Variants in PRUNE2 observed in about 807,000 individuals in gnomAD.
PRUNE2 encodes the protein protein prune homolog 2.
Under a neutral mutation model 252.0 loss-of-function variants are expected in PRUNE2, and 164 were observed. That is an observed-to-expected ratio of 0.65 (90% CI 0.57 to 0.74). The LOEUF (loss-of-function observed/expected upper bound fraction) is 0.74, where lower values mean the gene tolerates loss of function less well. PRUNE2 is among the 30% of genes least tolerant of loss of function. The probability of loss-of-function intolerance (pLI) is 0.00; values close to 1 mark genes in which losing one functional copy is unlikely to be tolerated. For missense variants in PRUNE2, 3,495 were observed against 3,711.0 expected, an observed-to-expected ratio of 0.94 and a Z score of 1.51; for synonymous variants, 1,292 against 1,350.2, an observed-to-expected ratio of 0.96 and a Z score of 0.94.
chr9:76,772,098 G>C lies in PRUNE2; in HGVS notation c.756+51534C>G, dbSNP rs968054642. ...TCCACTCCTGGCTTTAAACCAAGGTGTCAGCTGGGAAAGCCACCCTTCCGC... is the reference window on the plus strand; with the variant it reads ...TCCACTCCTGGCTTTAAACCAAGGTCTCAGCTGGGAAAGCCACCCTTCCGC... On this transcript the variant is annotated intron_variant, in intron 6 of 18. Coordinates refer to ENST00000376718, the MANE Select transcript of PRUNE2 (RefSeq NM_015225.3). Among the ~76,000 whole-genome samples, 4 of 152,282 alleles carry C rather than the reference G, an allele frequency of 2.6e-5. No homozygotes were observed. In the South Asian group the frequency reaches 8.3e-4, roughly 32 times the overall value.
intron 10 of PRUNE2, 24 bp from the exon 11 acceptor site, chr9:76,652,707 C>T (rs757369712): frequency 3.3e-6 from 5 of 1,505,668 alleles, no homozygotes; most frequent in East Asian, 4.5e-5. Flanking sequence ...AGAACAGCAA[C>T]ATCAAGTATT....
chr9:76,900,655 C>G (rs2063115269), intron 1 of PRUNE2, among the ~76,000 whole-genome samples: 1 of 152,188 alleles, frequency 6.6e-6, no homozygotes, highest in Admixed American at 6.5e-5. Context: ...CTCCAGGACT[C>G]TCCCATAATC....
intron 4 of PRUNE2, among the ~76,000 whole-genome samples, chr9:76,829,959 G>T (rs73653218): frequency 0.14 from 21,249 of 152,024 alleles, 1,513 homozygotes; most frequent in Non-Finnish European, 0.15. Flanking sequence ...ATGAGGAAAA[G>T]AATAGAAACA....
intron 6 of PRUNE2, chr9:76,786,323 A>T (rs1433223635): frequency 6.6e-6 from 1 of 152,230 alleles, no homozygotes; most frequent in Non-Finnish European, 1.5e-5. Context: ...AGGGATTCAA[A>T]GAAATATTAG....
At chr9:76,829,949 A>C (rs899692726) in intron 4 of PRUNE2, among the ~76,000 whole-genome samples, 5 of 152,226 alleles carry the variant, frequency 3.3e-5, no homozygotes, top group African/African-American at 1.2e-4. Flanking sequence ...GAATAAACTC[A>C]TGAGGAAAAG....
chr9:76,822,702 G>A (rs181334441), intron 6 of PRUNE2, among the ~76,000 whole-genome samples: 2,744 of 152,246 alleles, frequency 0.018, 72 homozygotes, highest in African/African-American at 0.061. Context: ...AGCTACTCAG[G>A]AGGCTGAGGC....
intron 11 of PRUNE2, among the ~76,000 whole-genome samples, chr9:76,647,811 C>T (rs1165529873): frequency 6.6e-6 from 1 of 151,946 alleles, no homozygotes; most frequent in Non-Finnish European, 1.5e-5. Context: ...AAATACAAAA[C>T]ATTAGCTGCG....
chr9:76,716,114 G>C (rs1436523776), intron 6 of PRUNE2, among the ~76,000 whole-genome samples: 1 of 152,154 alleles, frequency 6.6e-6, no homozygotes, highest in African/African-American at 2.4e-5. Flanking sequence ...AGAGGGGGCA[G>C]GTTTTATTTG....
chr9:76,635,603 C>G (rs1015232261), intron 15 of PRUNE2, among the ~76,000 whole-genome samples: 1 of 151,880 alleles, frequency 6.6e-6, no homozygotes, highest in African/African-American at 2.4e-5. Context: ...AAATACTTAA[C>G]AAGAAAGGTA....
chr9:76,642,220 T>C (rs1842933858), intron 12 of PRUNE2, among the ~76,000 whole-genome samples: 1 of 152,110 alleles, frequency 6.6e-6, no homozygotes, highest in Non-Finnish European at 1.5e-5. Context: ...TGTTGGCTCA[T>C]AGGATGTGAA....
intron 6 of PRUNE2, among the ~76,000 whole-genome samples, chr9:76,735,419 CTTTT>C (rs34406993): frequency 0.037 from 4,913 of 133,076 alleles, 260 homozygotes; most frequent in African/African-American, 0.13. Context: ...TTTCTTTCTT[CTTTT>C]TTTTTTTTTT....
intron 9 of PRUNE2, among the ~76,000 whole-genome samples, chr9:76,689,446 C>T (rs933121782): frequency 6.6e-6 from 1 of 152,106 alleles, no homozygotes; most frequent in Admixed American, 6.5e-5. Flanking sequence ...GCCTCAACCT[C>T]CTGGGCTCAA....
At chr9:76,901,991 C>T (rs1353300217) in intron 1 of PRUNE2, among the ~76,000 whole-genome samples, 1 of 152,146 alleles carries the variant, frequency 6.6e-6, no homozygotes, top group Non-Finnish European at 1.5e-5. Flanking sequence ...GGCATGAGGG[C>T]TGCGGTGATC....
At chr9:76,815,655 A>G (rs1390656237) in intron 6 of PRUNE2, among the ~76,000 whole-genome samples, 1 of 152,232 alleles carries the variant, frequency 6.6e-6, no homozygotes, top group East Asian at 1.9e-4. Flanking sequence ...CAGTGTTTAT[A>G]TAATCCCTGT....
At chr9:76,785,387 G>A (rs1371422806) in intron 6 of PRUNE2, 3 of 152,212 alleles carry the variant, frequency 2.0e-5, no homozygotes, top group African/African-American at 4.8e-5. Flanking sequence ...GAGCCACAGA[G>A]GGAATGTTTA....
intron 1 of PRUNE2, among the ~76,000 whole-genome samples, chr9:76,858,724 T>C (rs1323722092): frequency 6.6e-6 from 1 of 150,666 alleles, no homozygotes; most frequent in African/African-American, 2.5e-5. Context: ...AACCTGCATG[T>C]TCTGCACATG....
At chr9:76,661,611 T>C (rs1397111201) in intron 9 of PRUNE2, among the ~76,000 whole-genome samples, 2 of 152,216 alleles carry the variant, frequency 1.3e-5, no homozygotes, top group Non-Finnish European at 2.9e-5. Flanking sequence ...AAGAAAGTTA[T>C]TATTTAGTGA....
intron 6 of PRUNE2, among the ~76,000 whole-genome samples, chr9:76,768,577 A>ATGTGTG (rs879821167): frequency 4.0e-3 from 391 of 98,120 alleles, no homozygotes; most frequent in African/African-American, 0.012. Context: ...ATATATATGT[A>ATGTGTG]TATGTATGTG....
At chr9:76,879,089 G>A (rs755904029) in intron 1 of PRUNE2, among the ~76,000 whole-genome samples, 1 of 152,168 alleles carries the variant, frequency 6.6e-6, no homozygotes, top group Non-Finnish European at 1.5e-5. Context: ...GTTCCAGTGA[G>A]CACTAGTAAA....
Sources: gnomAD v4.1 joint callset for allele counts (sites outside exome capture counted in the v4.1 genomes callset) on GRCh38, gnomAD v4.1.1 for gene constraint, MANE v1.5 for transcripts, NCBI Gene and HGNC (gene_info 2026-07-23, HGNC 2026-07-21) for gene names.